Variants in ENTPD8 observed in about 807,000 individuals in gnomAD.
ENTPD8 encodes ectonucleoside triphosphate diphosphohydrolase 8.
A neutral mutation model predicts 47.0 loss-of-function variants in ENTPD8; 35 were observed. The ratio of observed to expected loss-of-function variants is 0.75; its 90% CI spans 0.57 to 0.99. The LOEUF is 0.99. Among genes scored for constraint, ENTPD8 ranks in the 50% least tolerant of loss-of-function variants. ENTPD8 has a pLI of 0.00. For missense variants in ENTPD8, 668 were observed against 649.9 expected, an observed-to-expected ratio of 1.03 and a Z score of -0.30; for synonymous variants, 308 against 290.5, an observed-to-expected ratio of 1.06 and a Z score of -0.61.
rs755215095 is a variant in ENTPD8 at position 137,438,764 on chromosome 9, C to T, written c.-20-459G>A. On this transcript the variant is annotated intron_variant, in intron 1 of 9. Coordinates refer to ENST00000371506, the MANE Select transcript of ENTPD8 (RefSeq NM_001033113.2). This position sits in a 1 kb window ranked among gnomAD's most constrained non-coding sequence, Gnocchi z 5.7. The stretch of plus-strand genomic sequence containing the variant: ...ATCAGAGGGCCCTGTGGGAGGGGGG[C>T]GGGGGGCAGCAGAGGCCTCGTCTGG... Among the ~76,000 whole-genome samples, 90 of 152,030 alleles carry T rather than the reference C, an allele frequency of 5.9e-4. No homozygotes were observed. The highest frequency in any genetic ancestry group is 1.2e-3 in the Non-Finnish European group (79 of 67,940).
At position 137,434,442 on chromosome 9, in the gene ENTPD8, G is replaced by A; in HGVS notation, c.*472C>T. On this transcript the variant is annotated 3_prime_UTR_variant, in exon 10 of 10. Transcript: ENST00000371506. ...CCAAGTGGGTGTGGGAGGCCGGGCTGGCCCAGCAGAAGCCCCCAGGCCTGG... is the reference window on the plus strand; with the variant it reads ...CCAAGTGGGTGTGGGAGGCCGGGCTAGCCCAGCAGAAGCCCCCAGGCCTGG... The A allele has an allele frequency of 6.8e-7, 1 of 1,462,514 alleles. No homozygotes were observed. The highest frequency in any genetic ancestry group is 2.3e-5 in the East Asian group (1 of 42,628). The allele number at this position is 1,462,514 out of a possible 1,614,324, so 90.6% of individuals were successfully genotyped here. A position where few individuals can be genotyped will look rare whatever the true frequency, so the allele number is the denominator to read the frequency against.
intron 1 of ENTPD8, among the ~76,000 whole-genome samples, chr9:137,439,458 T>TG (rs1325329875): frequency 6.6e-6 from 1 of 152,154 alleles, no homozygotes; most frequent in Non-Finnish European, 1.5e-5. Context: ...CGGGAAACGT[T>TG]GCACCCACAC....
chr9:137,436,319 G>A (rs568800862), intron 6 of ENTPD8, 43 bp from the exon 7 acceptor site: 74 of 1,506,460 alleles, frequency 4.9e-5, no homozygotes, highest in African/African-American at 9.9e-5. Context: ...GCACACCTGC[G>A]GCCCTGTGCC....
chr9:137,434,661 G>C lies in ENTPD8; in HGVS notation c.*253C>G. ...GCCTGGAGACACCACGAGTCCTGGC[G>C]GCCTGTGTGCAGAAAGGCACCTACG... On this transcript the variant is annotated 3_prime_UTR_variant, in exon 10 of 10. Transcript: ENST00000371506. 3 of 600,376 alleles carry C rather than the reference G, an allele frequency of 5.0e-6. No homozygotes were observed. The highest frequency in any genetic ancestry group is 2.9e-5 in the East Asian group (1 of 34,040). The allele number at this position is 600,376 out of a possible 1,614,324, so 37.2% of individuals were successfully genotyped here.
intron 8 of ENTPD8, 62 bp from the exon 9 acceptor site, chr9:137,435,400 G>T: frequency 1.9e-6 from 3 of 1,562,284 alleles, no homozygotes; most frequent in Non-Finnish European, 2.6e-6. Flanking sequence ...TGCGGGGACC[G>T]CCCCATCTGT....
intron 1 of ENTPD8, among the ~76,000 whole-genome samples, chr9:137,439,595 G>A (rs1044324768): frequency 6.6e-6 from 1 of 152,220 alleles, no homozygotes; most frequent in South Asian, 2.1e-4. Context: ...TTTTAAGGAG[G>A]GTAGATGACA....
Position 137,436,498 on chromosome 9 carries a change from C to T in ENTPD8, c.786+23G>A, listed in dbSNP as rs767375834. ...ATAGCCCTGTTCCCACAGCCCCATG[C>T]ACCCTCCCCAGGGCCAGCTGACCTG... On this transcript the variant is annotated intron_variant, in intron 6 of 9. Transcript: ENST00000371506. The T allele has an allele frequency of 4.4e-6, 7 of 1,579,488 alleles. No homozygotes were observed. The South Asian group carries it at 8.0e-5, about 18-fold the overall frequency.
rs910854444 is a variant in ENTPD8, at chr9:137,438,610, C to T, written c.-20-305G>A. 2.7e-5 allele frequency among the ~76,000 whole-genome samples: 4 copies of T among 147,260 alleles called. No individual in the cohort carries two copies. The highest frequency in any genetic ancestry group is 6.1e-5 in the Non-Finnish European group (4 of 65,216). On this transcript the variant is annotated intron_variant, in intron 1 of 9. Coordinates refer to ENST00000371506, the MANE Select transcript of ENTPD8 (RefSeq NM_001033113.2). This position sits in a 1 kb window ranked among gnomAD's most constrained non-coding sequence, Gnocchi z 5.7. ...CATCCCCGGGGCTCAGACGGCCTCC[C>T]GTGGCCATAGAGGCATCCCCGGGGC... is the stretch of plus-strand genomic sequence containing the variant.
Position 137,438,634 on chromosome 9 carries a change from G to A in ENTPD8, c.-20-329C>T, listed in dbSNP as rs1285421401. Among the ~76,000 whole-genome samples, 2 of 147,622 alleles carry A rather than the reference G, an allele frequency of 1.4e-5. No homozygotes were observed. Among genetic ancestry groups the A allele is most frequent in the Non-Finnish European group, 3.1e-5 (2 of 65,286 alleles). ...CCGTGGCCATAGAGGCATCCCCGGG[G>A]CTCAGACGGTCTCCCGTGGCCATAG... is the stretch of plus-strand genomic sequence containing the variant. On this transcript the variant is annotated intron_variant, in intron 1 of 9. Coordinates refer to ENST00000371506, the MANE Select transcript of ENTPD8 (RefSeq NM_001033113.2). This position sits in a 1 kb window ranked among gnomAD's most constrained non-coding sequence, Gnocchi z 5.7.
In ENTPD8 at chr9:137,435,357, A is replaced by G. The variant is rs1169505457; in HGVS notation, c.1162-19T>C. 4 of 1,603,580 alleles carry G rather than the reference A, an allele frequency of 2.5e-6. No individual in the cohort carries two copies. Among genetic ancestry groups the G allele is most frequent in the Non-Finnish European group, 3.4e-6 (4 of 1,175,640 alleles). On this transcript the variant is annotated intron_variant, in intron 8 of 9. Coordinates refer to ENST00000371506, the MANE Select transcript of ENTPD8 (RefSeq NM_001033113.2). ...CCTCCACCTGGGGCCCAGGAGACCA[A>G]GAGGCGAGGTGAGGGCCCCTGATCC...
chr9:137,436,367 C>G, intron 6 of ENTPD8, 91 bp from the exon 7 acceptor site: 2 of 1,425,314 alleles, frequency 1.4e-6, no homozygotes, highest in Non-Finnish European at 1.9e-6. Context: ...AGCCCCGCGC[C>G]CATACCCTGT....
At position 137,436,224 on chromosome 9, in the gene ENTPD8, G is replaced by T. The variant is rs751563302; in HGVS notation, c.839C>A (p.Thr280Asn). The change falls in exon 7 of 10, where the codon ACC becomes AAC. Residue 280 changes from threonine to asparagine, a missense_variant. Coordinates refer to ENST00000371506, the MANE Select transcript of ENTPD8 (RefSeq NM_001033113.2). ...ATACAGCGGGCCCAGGGCCAGTGTGGTCTGGTAGCCGCTGAGGTAGCACGG... is the reference window on the plus strand; with the variant it reads ...ATACAGCGGGCCCAGGGCCAGTGTGTTCTGGTAGCCGCTGAGGTAGCACGG... Reference protein sequence around the residue: ...RHPCYLSGYQTTLALGPLYES... With the variant: ...RHPCYLSGYQNTLALGPLYES... The T allele has an allele frequency of 7.5e-6, 12 of 1,609,848 alleles. No individual in the cohort carries two copies. Among genetic ancestry groups the T allele is most frequent in the South Asian group, 1.1e-5 (1 of 91,030 alleles).
chr9:137,435,909 C>T (rs71510822), intron 7 of ENTPD8, 80 bp from the exon 8 acceptor site: 4 of 1,604,830 alleles, frequency 2.5e-6, no homozygotes, highest in African/African-American at 1.3e-5. Context: ...CCCAGAGCCC[C>T]TAAGAGCCAG....
At chr9:137,439,677 G>A (rs1839466413) in intron 1 of ENTPD8, among the ~76,000 whole-genome samples, 1 of 152,064 alleles carries the variant, frequency 6.6e-6, no homozygotes, top group Admixed American at 6.6e-5. Flanking sequence ...CAGCACCCAG[G>A]CCATAGGCCA....
In ENTPD8 at chr9:137,435,212, G is replaced by A. The variant is rs919059384; in HGVS notation, c.1288C>T (p.Arg430Ter). 2.2e-5 allele frequency: 36 copies of A among 1,610,846 alleles called. No homozygotes were observed. Among genetic ancestry groups the A allele is most frequent in the African/African-American group, 4.0e-5 (3 of 74,902 alleles). Residue 430 changes from arginine to a stop codon, truncating the protein, a stop_gained, in exon 9 of 10, where the codon CGA becomes TGA. Transcript: ENST00000371506. LOFTEE classifies it low-confidence loss of function (END_TRUNC). ...CCAGGGGAGGCAGTCACCTGCTTTC[G>A]GAACTCGAGGCTGGGCCAGGTCTCC... ...SEETWPSLEFRKQAGGVDIGW... is the reference protein window; with the variant it reads ...SEETWPSLEF
intron 3 of ENTPD8, 151 bp from the exon 4 acceptor site, chr9:137,437,460 C>T (rs1839402218): frequency 3.1e-6 from 3 of 961,056 alleles, no homozygotes; most frequent in South Asian, 1.8e-5. Context: ...CAGGAAGGAC[C>T]CTAACCCAGA....
intron 3 of ENTPD8, 100 bp from the exon 4 acceptor site, chr9:137,437,409 C>T: frequency 6.9e-7 from 1 of 1,452,600 alleles, no homozygotes; most frequent in Non-Finnish European, 9.3e-7. Flanking sequence ...CTGGTGCAGC[C>T]ACCAGCCAAG....
chr9:137,437,550 A>G (rs1213924067), intron 3 of ENTPD8, among the ~76,000 whole-genome samples: 4 of 152,152 alleles, frequency 2.6e-5, no homozygotes, highest in African/African-American at 9.7e-5. Context: ...CTACTGTTTT[A>G]AGCCCCCAAT....
At chr9:137,439,742 G>A (rs1839468103) in intron 1 of ENTPD8, among the ~76,000 whole-genome samples, 1 of 151,998 alleles carries the variant, frequency 6.6e-6, no homozygotes, top group Non-Finnish European at 1.5e-5. Context: ...TCCACACCCA[G>A]AAGATGTAGC....
Sources: gnomAD v4.1 joint callset for allele counts (sites outside exome capture counted in the v4.1 genomes callset) on GRCh38, gnomAD v4.1.1 for gene constraint, Gnocchi (gnomAD v3.1) non-coding constraint, MANE v1.5 for transcripts, NCBI Gene and HGNC (gene_info 2026-07-23, HGNC 2026-07-21) for gene names.